Variants in CEP192 observed in about 807,000 individuals in gnomAD.
CEP192 encodes the protein centrosomal protein of 192 kDa.
CEP192 carries 151 observed loss-of-function variants against 271.8 expected under a neutral mutation model. That is an observed-to-expected ratio of 0.56 (90% confidence interval 0.49 to 0.64). The LOEUF is 0.64. Among genes scored for constraint, CEP192 ranks in the 30% least tolerant of loss-of-function variants. The pLI, the probability that CEP192 is intolerant of heterozygous loss-of-function variation, is 0.00. For missense variants in CEP192, 2,910 were observed against 3,020.5 expected (o/e 0.96, Z 0.86); for synonymous variants, 995 against 1,076.5 (o/e 0.92, Z 1.48).
At chr18:13,061,140 T>C (rs1325692505) in intron 21 of CEP192, among the ~76,000 whole-genome samples, 2 of 152,086 alleles carry the variant, frequency 1.3e-5, no homozygotes, top group African/African-American at 4.8e-5. Flanking sequence ...CTGGCCAACA[T>C]GGCAAAACCC....
chr18:13,043,059 G>A (rs141547040), intron 15 of CEP192, among the ~76,000 whole-genome samples: 60 of 152,282 alleles, frequency 3.9e-4, no homozygotes, highest in African/African-American at 1.1e-3. Context: ...GCATGTCCTC[G>A]CCAGCACCTG....
In CEP192 at chr18:13,021,020, T is replaced by C. The variant is rs144624799; in HGVS notation, c.1050+1814T>C. Among the ~76,000 whole-genome samples the C allele has an allele frequency of 8.9e-3, 1,353 of 152,326 alleles. 22 individuals are homozygous for C. The highest frequency in any genetic ancestry group is 0.03 in the African/African-American group (1,253 of 41,592). ...AATTTTCCTCCCATTCTGTAGGTTG[T>C]CTTTTACTTTCTTGATATTGTCCTT... On this transcript the variant is annotated intron_variant, in intron 9 of 44. Transcript: ENST00000506447.
intron 30 of CEP192, among the ~76,000 whole-genome samples, chr18:13,076,204 A>G (rs1227464095): frequency 2.6e-5 from 4 of 152,050 alleles, no homozygotes; most frequent in Non-Finnish European, 5.9e-5. Flanking sequence ...TTACGGTGTT[A>G]GATTTGTTTC....
chr18:13,026,651 G>A (rs1020804382), intron 9 of CEP192, among the ~76,000 whole-genome samples: 1 of 152,094 alleles, frequency 6.6e-6, no homozygotes, highest in Non-Finnish European at 1.5e-5. Context: ...TATCTTTCCT[G>A]TGCTGTGTCC....
chr18:13,077,108 A>C lies in CEP192; in HGVS notation c.5616+3923A>C, dbSNP rs189625252. 3.0e-4 allele frequency among the ~76,000 whole-genome samples: 46 copies of C among 152,326 alleles called. No homozygotes were observed. In the East Asian group the frequency reaches 8.9e-3, roughly 29 times the overall value. On this transcript the variant is annotated intron_variant, in intron 30 of 44. Coordinates refer to ENST00000506447, the MANE Select transcript of CEP192 (RefSeq NM_032142.4). ...TGAAATGCTGTTTACTTGTACTAAAAGTCAAGATAGTACAAACTGATGAGG... is the reference window on the plus strand; with the variant it reads ...TGAAATGCTGTTTACTTGTACTAAACGTCAAGATAGTACAAACTGATGAGG...
Position 13,055,486 on chromosome 18 carries a change from A to G in CEP192, c.3190-294A>G, listed in dbSNP as rs577985420. Among the ~76,000 whole-genome samples the G allele has an allele frequency of 1.2e-3, 184 of 152,296 alleles. 2 individuals are homozygous for G. The South Asian group carries it at 0.015, about 12-fold the overall frequency. ...TTTACAGAAATCCCTTAAATCTTCA[A>G]AAAGTTACTAGACTCTGGTCGTTTA... is the stretch of plus-strand genomic sequence containing the variant. On this transcript the variant is annotated intron_variant, in intron 18 of 44. Coordinates refer to ENST00000506447, the MANE Select transcript of CEP192 (RefSeq NM_032142.4).
At chr18:13,018,355 A>G in intron 7 of CEP192, 125 bp from the exon 8 acceptor site, 1 of 540,684 alleles carries the variant, frequency 1.8e-6, no homozygotes, top group Non-Finnish European at 3.1e-6. Flanking sequence ...CGTGGTGACA[A>G]TGGCGATTTT....
chr18:13,097,722 G>A (rs1209802391), intron 36 of CEP192, among the ~76,000 whole-genome samples: 1 of 147,936 alleles, frequency 6.8e-6, no homozygotes, highest in Non-Finnish European at 1.5e-5. Flanking sequence ...TAGGACAATA[G>A]TGGAGGGAAG....
In CEP192 at chr18:13,013,108, ATTAG is replaced by A. The variant is rs149453534; in HGVS notation, c.519+88_519+91del. ...ATATTTCGCATATATAACTGTTAAT[ATTAG>A]TTAGATGTCATCTACTTTTTTCTAG... is the stretch of plus-strand genomic sequence containing the variant. On this transcript the variant is annotated intron_variant, in intron 5 of 44. Coordinates refer to ENST00000506447, the MANE Select transcript of CEP192 (RefSeq NM_032142.4). The A allele has an allele frequency of 6.0e-4, 398 of 666,556 alleles. No homozygotes were observed. In the African/African-American group the frequency reaches 6.7e-3, roughly 11 times the overall value. The allele number at this position is 666,556 out of a possible 1,614,324, so 41.3% of individuals were successfully genotyped here.
intron 7 of CEP192, among the ~76,000 whole-genome samples, chr18:13,017,751 T>C (rs769164884): frequency 1.3e-5 from 2 of 152,224 alleles, no homozygotes; most frequent in Non-Finnish European, 2.9e-5. Context: ...GTTACCTAAC[T>C]TTGATATAAT....
Position 13,099,528 on chromosome 18 carries a change from T to C in CEP192, c.6610T>C (p.Ser2204Pro), listed in dbSNP as rs1452674662. The C allele has an allele frequency of 7.5e-6, 12 of 1,604,922 alleles. No homozygotes were observed. In the East Asian group the frequency reaches 2.7e-4, roughly 36 times the overall value. ...TAATTCCTCCTTATCCACAAAACAG[T>C]CAATGTTCCCGTGGAGTGGTTTGAT... ...SPNSSLSTKQ[S>P]MFPWSGLIYI... The change falls in exon 37 of 45, where the codon TCA becomes CCA. Residue 2204 changes from serine to proline, a missense_variant. By Grantham distance (74) the Ser-to-Pro change is moderately conservative. Coordinates refer to ENST00000506447, the MANE Select transcript of CEP192 (RefSeq NM_032142.4).
At position 13,124,683 on chromosome 18, in the gene CEP192, C is replaced by G. The variant is rs771631527; in HGVS notation, c.7527C>G (p.Gly2509=). The change falls in exon 45 of 45, where the codon GGC becomes GGG. Residue 2509 remains glycine (G), a synonymous_variant. Coordinates refer to ENST00000506447, the MANE Select transcript of CEP192 (RefSeq NM_032142.4). ...MPVQFKPKSA[G]KFEALLVIQT... ...TGCAGTTCAAACCGAAGTCCGCAGG[C>G]AAATTTGAAGCTTTGCTTGTCATTC... 1.9e-6 allele frequency: 3 copies of G among 1,613,830 alleles called. No individual in the cohort carries two copies. The highest frequency in any genetic ancestry group is 2.7e-5 in the African/African-American group (2 of 74,882).
At chr18:13,062,310 A>G (rs2037451234) in intron 21 of CEP192, among the ~76,000 whole-genome samples, 1 of 152,176 alleles carries the variant, frequency 6.6e-6, no homozygotes, top group Non-Finnish European at 1.5e-5. Context: ...CCTGTGAGAG[A>G]GCATTCAGGA....
chr18:13,027,440 A>G (rs2035366223), intron 9 of CEP192, among the ~76,000 whole-genome samples: 1 of 152,042 alleles, frequency 6.6e-6, no homozygotes, highest in South Asian at 2.1e-4. Flanking sequence ...ACTTTTCCAC[A>G]CTGAGCCTGC....
At chr18:13,063,341 C>T (rs111421554) in intron 21 of CEP192, among the ~76,000 whole-genome samples, 20,434 of 152,190 alleles carry the variant, frequency 0.13, 1,522 homozygotes, top group East Asian at 0.31. Flanking sequence ...CAACAGTGTA[C>T]GAGGGTTCCC....
In CEP192 at chr18:13,116,649, G is replaced by A. The variant is rs1339259427; in HGVS notation, c.7416+146G>A. Reference sequence around the variant, plus strand: ...TTTTTGGAGATGGAGTCTCGCTGTCGCCCAGGCTGAAGTGCAGTGGTGCGA... The same window carrying A: ...TTTTTGGAGATGGAGTCTCGCTGTCACCCAGGCTGAAGTGCAGTGGTGCGA... On this transcript the variant is annotated intron_variant, in intron 43 of 44. Coordinates refer to ENST00000506447, the MANE Select transcript of CEP192 (RefSeq NM_032142.4). 15 of 724,360 alleles carry A rather than the reference G, an allele frequency of 2.1e-5. No homozygotes were observed. In the South Asian group the frequency reaches 2.3e-4, roughly 11 times the overall value. 44.9% of individuals were successfully genotyped at this position (724,360 alleles called of 1,614,324 possible). A position where few individuals can be genotyped will look rare whatever the true frequency, so the allele number is the denominator to read the frequency against.
At chr18:13,080,051 G>GT (rs1238715468) in intron 30 of CEP192, among the ~76,000 whole-genome samples, 1 of 152,198 alleles carries the variant, frequency 6.6e-6, no homozygotes, top group African/African-American at 2.4e-5. Context: ...TTGTAGTATA[G>GT]TTTGAAGTCA....
At chr18:13,010,676 G>A (rs953832671) in intron 4 of CEP192, among the ~76,000 whole-genome samples, 18 of 151,948 alleles carry the variant, frequency 1.2e-4, no homozygotes, top group Admixed American at 3.3e-4. Context: ...GAGAAACCCC[G>A]TCTCTACTAA....
chr18:13,048,353 G>A (rs1050022657), intron 15 of CEP192, among the ~76,000 whole-genome samples: 1 of 152,070 alleles, frequency 6.6e-6, no homozygotes, highest in Non-Finnish European at 1.5e-5. Flanking sequence ...TGATCAGATC[G>A]ACTCTAGGGA....
Sources: gnomAD v4.1 joint callset for allele counts (sites outside exome capture counted in the v4.1 genomes callset) on GRCh38, gnomAD v4.1.1 for gene constraint, MANE v1.5 for transcripts, NCBI Gene and HGNC (gene_info 2026-07-23, HGNC 2026-07-21) for gene names.